The following GRM6 variants were observed in gnomAD, a reference collection of about 807,000 sequenced individuals.
The protein encoded by GRM6 is glutamate metabotropic receptor 6.
A neutral mutation model predicts 78.4 loss-of-function variants in GRM6; 73 were observed. The ratio of observed to expected loss-of-function variants is 0.93; its 90% CI spans 0.77 to 1.13. The LOEUF is 1.13. Ranked by LOEUF, GRM6 falls within the 50% of genes most tolerant of loss-of-function variation. GRM6 has a pLI of 0.00. For missense variants in GRM6, 1,251 were observed against 1,256.4 expected (o/e 1.00, Z 0.07); for synonymous variants, 580 against 555.0 (o/e 1.05, Z -0.63).
Position 178,991,470 on chromosome 5 carries a change from G to T in GRM6, c.811C>A (p.Pro271Thr), listed in dbSNP as rs202102150. 6.2e-7 allele frequency: 1 copy of T among 1,613,600 alleles called. No individual in the cohort carries two copies. The highest frequency in any genetic ancestry group is 8.5e-7 in the Non-Finnish European group (1 of 1,179,750). The change falls in exon 4 of 11, where the codon CCC (proline) becomes ACC (threonine). Residue 271 changes from proline to threonine, a missense_variant. Physicochemically the swap from Pro to Thr is conservative, Grantham distance 38. Transcript: ENST00000517717. The surrounding 1 kb of genome is among the most constrained non-coding windows in gnomAD (Gnocchi z 5.0). ...AAGATGATGATGCCCCGGGCGTTGG[G>T]CGTCTCCATGAGTCTCCTGATCACC... ...SKVIRRLMET[P>T]NARGIIIFAN...
Position 178,989,275 on chromosome 5 carries a change from G to A in GRM6, c.1143C>T (p.Arg381=). ...SSGTQSDDST[R]KCTGEERIGR... ...CTGGGCAGCTCTCACCTGTGCATTT[G>A]CGGGTGGAATCGTCTGACTGGGTAC... Residue 381 remains arginine, a synonymous_variant, in exon 6 of 11, where the codon CGC becomes CGT. Coordinates refer to ENST00000517717, the MANE Select transcript of GRM6 (RefSeq NM_000843.4). The A allele has an allele frequency of 6.3e-7, 1 of 1,582,866 alleles. No homozygotes were observed. The highest frequency in any genetic ancestry group is 1.1e-5 in the South Asian group (1 of 90,272).
At chr5:178,989,211 A>ACCCCCCCCC in intron 6 of GRM6, 54 bp downstream of exon 6, 1 of 121,742 alleles carries the variant, frequency 8.2e-6, no homozygotes, top group Non-Finnish European at 1.3e-5. Flanking sequence ...CCCCCTCCCC[A>ACCCCCCCCC]CCCTCACCAC....
At chr5:178,986,811 C>A in intron 8 of GRM6, 27 bp downstream of exon 8, 1 of 1,613,040 alleles carries the variant, frequency 6.2e-7, no homozygotes, top group Non-Finnish European at 8.5e-7. Context: ...GGCCCATGCC[C>A]ACCTGGGGCT....
At position 178,986,189 on chromosome 5, in the gene GRM6, G is replaced by C. The variant is rs1383226587; in HGVS notation, c.2065C>G (p.Pro689Ala). The C allele has an allele frequency of 6.8e-6, 11 of 1,614,102 alleles. No homozygotes were observed. The highest frequency in any genetic ancestry group is 9.3e-6 in the Non-Finnish European group (11 of 1,179,980). Residue 689 changes from proline (P) to alanine (A), a missense_variant, in exon 9 of 11, where the codon CCT becomes GCT. Transcript: ENST00000517717. ...FEQGKRSVTP[P>A]PFISPTSQLV... ...TGTGAGGTGGGGCTGATGAAGGGAG[G>C]GGGTGTGACCGAGCGCTTGCCCTGC...
Position 178,986,881 on chromosome 5 carries a change from C to A in GRM6, c.1457G>T (p.Gly486Val), listed in dbSNP as rs1369329942. Reference sequence around the variant, plus strand: ...TGCCCACTGGCCCACTGCCTGGTACCCGCCACTGCTGGCACTGCCATTGGT... The same window carrying A: ...TGCCCACTGGCCCACTGCCTGGTACACGCCACTGCTGGCACTGCCATTGGT... Reference protein sequence around the residue: ...QATNGSASSGGYQAVGQWAET... With the variant: ...QATNGSASSGVYQAVGQWAET... The change falls in exon 8 of 11, where the codon GGG becomes GTG. Residue 486 changes from glycine (G) to valine (V), a missense_variant. Transcript: ENST00000517717. The A allele has an allele frequency of 1.9e-6, 3 of 1,614,044 alleles. No individual in the cohort carries two copies. Among genetic ancestry groups the A allele is most frequent in the Non-Finnish European group, 2.5e-6 (3 of 1,180,052 alleles).
chr5:178,993,378 G>A (rs1175096426), intron 2 of GRM6, among the ~76,000 whole-genome samples: 1 of 152,208 alleles, frequency 6.6e-6, no homozygotes, highest in South Asian at 2.1e-4. Context: ...CATACAGGTG[G>A]GTGAAAAACC....
Position 178,992,211 on chromosome 5 carries a change from A to G in GRM6, c.505-128T>C, listed in dbSNP as rs1400036417. 1.4e-6 allele frequency: 1 copy of G among 727,924 alleles called. No individual in the cohort carries two copies. The highest frequency in any genetic ancestry group is 2.4e-6 in the Non-Finnish European group (1 of 410,782). The allele number at this position is 727,924 out of a possible 1,614,324, so 45.1% of individuals were successfully genotyped here. A position where few individuals can be genotyped will look rare whatever the true frequency, so the allele number is the denominator to read the frequency against. ...GGCATGGACCTGGGACACAGATGGG[A>G]GATGGAAGGGTTGGGGTGGGGACCT... On this transcript the variant is annotated intron_variant, in intron 2 of 10. Coordinates refer to ENST00000517717, the MANE Select transcript of GRM6 (RefSeq NM_000843.4). This position sits in a 1 kb window ranked among gnomAD's most constrained non-coding sequence, Gnocchi z 4.9.
chr5:178,991,773 G>A lies in GRM6; in HGVS notation c.721+94C>T. On this transcript the variant is annotated intron_variant, in intron 3 of 10. Transcript: ENST00000517717. This position sits in a 1 kb window ranked among gnomAD's most constrained non-coding sequence, Gnocchi z 5.0. The stretch of plus-strand genomic sequence containing the variant: ...AGCCAGGCAACCTCGGCCCAGCATG[G>A]ACCTGGGCCCCCCATCTTTCTGCTT... The A allele has an allele frequency of 8.2e-7, 1 of 1,215,836 alleles. No homozygotes were observed. Among genetic ancestry groups the A allele is most frequent in the Non-Finnish European group, 1.2e-6 (1 of 832,922 alleles). The allele number at this position is 1,215,836 out of a possible 1,614,324, so 75.3% of individuals were successfully genotyped here.
In GRM6 at chr5:178,994,462, G is replaced by T. The variant is rs1486510747; in HGVS notation, c.483C>A (p.Ala161=). The T allele has an allele frequency of 5.4e-6, 8 of 1,488,378 alleles. No individual in the cohort carries two copies. In the Admixed American group the frequency reaches 1.8e-4, roughly 33 times the overall value. The allele number at this position is 1,488,378 out of a possible 1,614,324, so 92.2% of individuals were successfully genotyped here. The change falls in exon 2 of 11, where the codon GCC becomes GCA. Residue 161 remains alanine (A), a synonymous_variant. Coordinates refer to ENST00000517717, the MANE Select transcript of GRM6 (RefSeq NM_000843.4). ...ASASSVSIMV[A]NVLRLFAIPQ... ...TCACCGCAAACAGGCGCAGCACGTT[G>T]GCGACCATGATGGAGACGGAGCTGG...
In GRM6 at chr5:178,986,273, T is replaced by C. The variant is rs1468606172; in HGVS notation, c.1981A>G (p.Thr661Ala). 6.2e-7 allele frequency: 1 copy of C among 1,613,960 alleles called. No individual in the cohort carries two copies. Among genetic ancestry groups the C allele is most frequent in the African/African-American group, 1.3e-5 (1 of 74,926 alleles). ...AARRLFLGLG[T>A]TLSYSALLTK... ...AGCAGGGCAGAGTAGCTGAGGGTCG[T>C]GCCCAGGCCCAGGAAGAGCCTGCGG... The change falls in exon 9 of 11, where the codon ACG becomes GCG. Residue 661 changes from threonine (T) to alanine (A), a missense_variant. By Grantham distance (58) the Thr-to-Ala change is moderately conservative. Coordinates refer to ENST00000517717, the MANE Select transcript of GRM6 (RefSeq NM_000843.4).
intron 2 of GRM6, 73 bp downstream of exon 2, chr5:178,994,368 G>A (rs1760734054): frequency 2.3e-6 from 3 of 1,289,454 alleles, no homozygotes; most frequent in Admixed American, 3.2e-5. Context: ...AGTAAAGGAA[G>A]GAGACTTGGG....
intron 7 of GRM6, among the ~76,000 whole-genome samples, chr5:178,987,980 G>T (rs1760601525): frequency 6.6e-6 from 1 of 151,076 alleles, no homozygotes; most frequent in Admixed American, 6.6e-5. Flanking sequence ...GGCTGGTCTC[G>T]AACTCCTGAC....
intron 9 of GRM6, 107 bp downstream of exon 9, chr5:178,986,023 A>T: frequency 9.6e-7 from 1 of 1,038,646 alleles, no homozygotes; most frequent in Non-Finnish European, 1.4e-6. Context: ...CAGCCTCCAA[A>T]GGTGCTGGGA....
chr5:178,989,462 C>G, intron 5 of GRM6, 57 bp from the exon 6 acceptor site: 4 of 1,608,662 alleles, frequency 2.5e-6, no homozygotes, highest in Non-Finnish European at 3.4e-6. Context: ...TGTGTTTCTC[C>G]TGTGTCTCTC....
At chr5:178,989,214 CTCACCACCCT>C in intron 6 of GRM6, 41 bp downstream of exon 6, 1 of 1,198,222 alleles carries the variant, frequency 8.3e-7, no homozygotes, top group Non-Finnish European at 1.2e-6. Context: ...CCTCCCCACC[CTCACCACCCT>C]CCCCACCCTC....
In GRM6 at chr5:178,992,055, G is replaced by T; in HGVS notation, c.533C>A (p.Ala178Asp). The change falls in exon 3 of 11, where the codon GCC becomes GAC. Residue 178 changes from alanine (A) to aspartate (D), a missense_variant. Transcript: ENST00000517717. This position sits in a 1 kb window ranked among gnomAD's most constrained non-coding sequence, Gnocchi z 4.9. Reference protein sequence around the residue: ...AIPQISYASTAPELSDSTRYD... With the variant: ...AIPQISYASTDPELSDSTRYD... ...GCGTGTGGAGTCGCTGAGCTCCGGG[G>T]CTGTGGAGGCATAGCTGATCTGGGG... 1 of 1,613,862 alleles carries T rather than the reference G, an allele frequency of 6.2e-7. No homozygotes were observed. The highest frequency in any genetic ancestry group is 1.1e-5 in the South Asian group (1 of 91,082).
intron 9 of GRM6, chr5:178,985,674 G>A (rs750827252): frequency 4.7e-5 from 19 of 400,770 alleles, no homozygotes; most frequent in East Asian, 2.2e-4. Flanking sequence ...CTGCACTCCA[G>A]CCTGGGCGAC....
At chr5:178,984,699 C>T (rs1760473522) in intron 9 of GRM6, among the ~76,000 whole-genome samples, 1 of 152,136 alleles carries the variant, frequency 6.6e-6, no homozygotes, top group Non-Finnish European at 1.5e-5. Flanking sequence ...GACCAGGGGA[C>T]ACTCAGGCCC....
intron 6 of GRM6, 48 bp downstream of exon 6, chr5:178,989,217 A>AGCCCC: frequency 2.1e-6 from 2 of 954,824 alleles, no homozygotes; most frequent in Non-Finnish European, 2.9e-6. Context: ...CCCCACCCTC[A>AGCCCC]CCACCCTCCC....
Sources: gnomAD v4.1 joint callset for allele counts (sites outside exome capture counted in the v4.1 genomes callset) on GRCh38, gnomAD v4.1.1 for gene constraint, Gnocchi (gnomAD v3.1) non-coding constraint, MANE v1.5 for transcripts, NCBI Gene and HGNC (gene_info 2026-07-23, HGNC 2026-07-21) for gene names.